The following NME8 variants were observed in gnomAD, a reference collection of about 807,000 sequenced individuals.
NME8 encodes the protein NME/NM23 family member 8.
NME8 carries 72 observed loss-of-function variants against 82.3 expected under a neutral mutation model. The observed-to-expected ratio is 0.87, with a 90% CI of 0.72 to 1.06. The LOEUF is 1.06. NME8 is among the 50% of genes least tolerant of loss of function. The pLI, the probability that NME8 is intolerant of heterozygous loss-of-function variation, is 0.00. For synonymous variants in NME8, 267 were observed against 228.5 expected, an observed-to-expected ratio of 1.17 and a Z score of -1.52; for missense variants, 712 against 685.4, an observed-to-expected ratio of 1.04 and a Z score of -0.43.
At chr7:37,866,160 T>G (rs911279945) in intron 10 of NME8, among the ~76,000 whole-genome samples, 1 of 151,898 alleles carries the variant, frequency 6.6e-6, no homozygotes, top group Non-Finnish European at 1.5e-5. Context: ...CTTCTAGAAA[T>G]GAACTGTCCA....
At chr7:37,868,978 C>T (rs538129361) in intron 11 of NME8, among the ~76,000 whole-genome samples, 19 of 152,180 alleles carry the variant, frequency 1.2e-4, no homozygotes, top group Non-Finnish European at 2.9e-5. Context: ...CAGGCTGCAC[C>T]GGAAAGAAAG....
At position 37,867,821 on chromosome 7, in the gene NME8, A is replaced by G. The variant is rs768715665; in HGVS notation, c.741A>G (p.Glu247=). ...AAACCGAACCACAGACTGACACCGA[A>G]CCTAACGAACGATCTGAGGATCAAC... ...SEETEPQTDT[E]PNERSEDQPE... The change falls in exon 11 of 18, where the codon GAA becomes GAG. Residue 247 remains glutamate, a synonymous_variant. Transcript: ENST00000199447. The G allele has an allele frequency of 4.3e-6, 7 of 1,613,804 alleles. No homozygotes were observed. The South Asian group carries it at 6.6e-5, about 15-fold the overall frequency.
Position 37,850,257 on chromosome 7 carries a change from TA to T in NME8, c.-7-2del. Reference sequence around the variant, plus strand: ...AAATTTTTCTTTCTTTTTCCTATGATAGTAGATAAATGGCAAGCAAAAAACG... The same window carrying T: ...AAATTTTTCTTTCTTTTTCCTATGATGTAGATAAATGGCAAGCAAAAAACG... On this transcript the variant is annotated splice_acceptor_variant, in intron 2 of 17. Transcript: ENST00000199447. LOFTEE classifies it low-confidence loss of function (5UTR_SPLICE). 2 of 1,613,162 alleles carry T rather than the reference TA, an allele frequency of 1.2e-6. No homozygotes were observed. Among genetic ancestry groups the T allele is most frequent in the South Asian group, 2.2e-5 (2 of 91,068 alleles).
chr7:37,869,042 G>A (rs9691361), intron 11 of NME8, among the ~76,000 whole-genome samples: 4,832 of 152,228 alleles, frequency 0.032, 258 homozygotes, highest in African/African-American at 0.11. Flanking sequence ...TTCCTGGGAT[G>A]TGTCTCCCCG....
rs1167636532 is a variant in NME8 at position 37,865,516 on chromosome 7, T to C, written c.529-9T>C. The C allele has an allele frequency of 1.9e-6, 3 of 1,594,862 alleles. No individual in the cohort carries two copies. In the Admixed American group the frequency reaches 5.0e-5, roughly 27 times the overall value. On this transcript the variant is annotated splice_polypyrimidine_tract_variant and intron_variant, in intron 9 of 17. Transcript: ENST00000199447. ...GACACCTGGATTTGACCTTACTCTC[T>C]AATTGAAGATTACCAAAGCTGGATT...
chr7:37,865,087 A>G (rs1320581450), intron 9 of NME8, among the ~76,000 whole-genome samples: 3 of 152,150 alleles, frequency 2.0e-5, no homozygotes, highest in Non-Finnish European at 4.4e-5. Flanking sequence ...CATTTCAAAA[A>G]CGAATCATGG....
chr7:37,896,152 A>G (rs1478666372), intron 16 of NME8, among the ~76,000 whole-genome samples: 2 of 152,232 alleles, frequency 1.3e-5, no homozygotes, highest in African/African-American at 4.8e-5. Flanking sequence ...CAGAATTTAT[A>G]AAGTTAACAA....
intron 15 of NME8, among the ~76,000 whole-genome samples, chr7:37,894,063 C>G (rs1215218237): frequency 6.6e-6 from 1 of 152,144 alleles, no homozygotes; most frequent in Non-Finnish European, 1.5e-5. Flanking sequence ...GTTTAATTCC[C>G]TCGATGGTAC....
intron 6 of NME8, among the ~76,000 whole-genome samples, chr7:37,860,658 A>T (rs1227693279): frequency 6.6e-6 from 1 of 152,138 alleles, no homozygotes; most frequent in Non-Finnish European, 1.5e-5. Context: ...AATCACCACC[A>T]TCTGTATATC....
chr7:37,856,747 T>C (rs139781663), intron 5 of NME8, among the ~76,000 whole-genome samples: 101 of 152,314 alleles, frequency 6.6e-4, no homozygotes, highest in African/African-American at 2.1e-3. Flanking sequence ...GTAAACCTCT[T>C]TTAATGTATG....
intron 17 of NME8, among the ~76,000 whole-genome samples, chr7:37,899,118 C>T (rs1785274793): frequency 1.3e-5 from 2 of 152,166 alleles, no homozygotes; most frequent in South Asian, 2.1e-4. Flanking sequence ...TTGTGGAGGA[C>T]AGTGTGCTGA....
intron 11 of NME8, among the ~76,000 whole-genome samples, chr7:37,872,019 T>C (rs1240011699): frequency 1.3e-5 from 2 of 151,916 alleles, no homozygotes; most frequent in East Asian, 3.9e-4. Flanking sequence ...TTCAGGTCCC[T>C]AGGGCAGGAG....
chr7:37,889,373 TTTTC>T (rs1228063989), intron 15 of NME8, among the ~76,000 whole-genome samples: 6 of 151,756 alleles, frequency 4.0e-5, no homozygotes, highest in Admixed American at 1.3e-4. Flanking sequence ...ATCTTCATGA[TTTTC>T]TTTCTTCTAT....
chr7:37,882,599 GAGAGAGAGAGAGAGA>G (rs1784972695), intron 12 of NME8, among the ~76,000 whole-genome samples: 1 of 39,786 alleles, frequency 2.5e-5, no homozygotes, highest in Non-Finnish European at 7.6e-5. Context: ...AAGAAAGAAA[GAGAGAGAGAGAGAGA>G]GAAAGAAAGA....
intron 5 of NME8, 62 bp downstream of exon 5, chr7:37,850,797 C>T: frequency 9.6e-7 from 1 of 1,038,792 alleles, no homozygotes; most frequent in South Asian, 1.3e-5. Flanking sequence ...TAAGTATCCT[C>T]TAATACTTTA....
intron 6 of NME8, among the ~76,000 whole-genome samples, chr7:37,859,076 G>T (rs1285174365): frequency 1.3e-5 from 2 of 152,084 alleles, no homozygotes; most frequent in Non-Finnish European, 2.9e-5. Context: ...TGTTTGTACA[G>T]TCTGCAAAAG....
chr7:37,882,599 G>GAAAGAAAGAAAGAAAGAAAGAAAGAA (rs1374421441), intron 12 of NME8, among the ~76,000 whole-genome samples: 2 of 39,786 alleles, frequency 5.0e-5, no homozygotes, highest in Non-Finnish European at 1.5e-4. Flanking sequence ...AAGAAAGAAA[G>GAAAGAAAGAAAGAAAGAAAGAAAGAA]AGAGAGAGAG....
At chr7:37,880,265 T>C (rs557671004) in intron 12 of NME8, among the ~76,000 whole-genome samples, 2 of 152,332 alleles carry the variant, frequency 1.3e-5, no homozygotes, top group African/African-American at 4.8e-5. Flanking sequence ...ATCTAAAAAC[T>C]CATTGCTAAC....
intron 15 of NME8, among the ~76,000 whole-genome samples, chr7:37,892,354 G>T (rs1785142188): frequency 6.7e-6 from 1 of 150,292 alleles, no homozygotes; most frequent in Non-Finnish European, 1.5e-5. Context: ...TTTTCTTAGG[G>T]ATTTCACCAG....
Sources: gnomAD v4.1 joint callset for allele counts (sites outside exome capture counted in the v4.1 genomes callset) on GRCh38, gnomAD v4.1.1 for gene constraint, MANE v1.5 for transcripts, NCBI Gene and HGNC (gene_info 2026-07-23, HGNC 2026-07-21) for gene names.